PCCA: variants seen among roughly 807,000 people sequenced by gnomAD.
PCCA encodes propionyl-CoA carboxylase alpha chain, mitochondrial.
A neutral mutation model predicts 101.3 loss-of-function variants in PCCA; 74 were observed. That is an observed-to-expected ratio of 0.73 (90% CI 0.61 to 0.89). The LOEUF is 0.89. PCCA is among the 40% of genes least tolerant of loss of function. The pLI is 0.00. For synonymous variants in PCCA, 294 were observed against 313.6 expected (o/e 0.94, Z 0.66); for missense variants, 891 against 907.0 (o/e 0.98, Z 0.23).
intron 21 of PCCA, among the ~76,000 whole-genome samples, chr13:100,489,315 A>G (rs1396952873): frequency 6.6e-6 from 1 of 152,252 alleles, no homozygotes; most frequent in African/African-American, 2.4e-5. Context: ...CTCAAAAAAA[A>G]AAAAGTTTTA....
chr13:100,230,200 A>C (rs913345572), intron 7 of PCCA, among the ~76,000 whole-genome samples: 1 of 152,148 alleles, frequency 6.6e-6, no homozygotes, highest in Non-Finnish European at 1.5e-5. Context: ...GTATGTGTTC[A>C]TGTGGCAATG....
chr13:100,328,732 C>T (rs572625881), intron 16 of PCCA, among the ~76,000 whole-genome samples: 8 of 134,268 alleles, frequency 6.0e-5, no homozygotes, highest in African/African-American at 8.6e-5. Flanking sequence ...CTAGCTCCGT[C>T]GCTGAGGTGG....
chr13:100,091,667 C>T (rs2046292885), intron 1 of PCCA, among the ~76,000 whole-genome samples: 1 of 152,162 alleles, frequency 6.6e-6, no homozygotes, highest in South Asian at 2.1e-4. Context: ...GAAAAGCAGC[C>T]AGCTAACTCT....
intron 6 of PCCA, among the ~76,000 whole-genome samples, chr13:100,176,636 A>G (rs1043359593): frequency 8.5e-5 from 13 of 152,206 alleles, no homozygotes; most frequent in African/African-American, 3.1e-4. Flanking sequence ...CATTATTGAA[A>G]AACATTGACA....
chr13:100,359,940 T>C (rs2074381613), intron 18 of PCCA, among the ~76,000 whole-genome samples: 1 of 152,154 alleles, frequency 6.6e-6, no homozygotes. Context: ...GTGGAAGAAA[T>C]TGGCACATTG....
intron 19 of PCCA, among the ~76,000 whole-genome samples, chr13:100,387,406 C>T (rs754811757): frequency 1.3e-5 from 2 of 152,156 alleles, no homozygotes; most frequent in African/African-American, 4.8e-5. Flanking sequence ...GTAGTTCACT[C>T]CAAAAGTTTT....
rs1281449669 is a variant in PCCA at position 100,400,630 on chromosome 13, C to CTTTTTTT, written c.1747-24992_1747-24986dup. Among the ~76,000 whole-genome samples, 8 of 90,968 alleles carry CTTTTTTT rather than the reference C, an allele frequency of 8.8e-5. 1 individual carries two copies. The highest frequency in any genetic ancestry group is 3.8e-4 in the African/African-American group (7 of 18,642). The allele number at this position is 90,968 out of a possible 152,430, so 59.7% of individuals were successfully genotyped here. ...TGATTGATCTTAGTTCTTTTTAGTT[C>CTTTTTTT]TTTTTTTTTTTTTTTTTGAGAGTTT... On this transcript the variant is annotated intron_variant, in intron 19 of 23. Transcript: ENST00000376285.
chr13:100,302,080 T>C (rs1311412724), intron 13 of PCCA, among the ~76,000 whole-genome samples: 4 of 152,176 alleles, frequency 2.6e-5, no homozygotes, highest in African/African-American at 9.6e-5. Context: ...TACATAAAAA[T>C]AACAATCAAA....
intron 6 of PCCA, among the ~76,000 whole-genome samples, chr13:100,162,788 T>G (rs1594464386): frequency 6.6e-6 from 1 of 152,288 alleles, no homozygotes; most frequent in East Asian, 1.9e-4. Flanking sequence ...TATTCTTAAG[T>G]GGAACTAATA....
At chr13:100,379,796 T>G (rs1337651252) in intron 19 of PCCA, among the ~76,000 whole-genome samples, 1 of 152,126 alleles carries the variant, frequency 6.6e-6, no homozygotes, top group Non-Finnish European at 1.5e-5. Flanking sequence ...CCCACCCCCG[T>G]GATTCAATTT....
At chr13:100,119,106 T>C (rs2152296861) in intron 4 of PCCA, among the ~76,000 whole-genome samples, 1 of 152,324 alleles carries the variant, frequency 6.6e-6, no homozygotes, top group South Asian at 2.1e-4. Context: ...TTGGTTACAT[T>C]TGTCTTGTTT....
intron 12 of PCCA, among the ~76,000 whole-genome samples, chr13:100,280,178 CT>C (rs1362000281): frequency 1.1e-4 from 17 of 152,100 alleles, no homozygotes; most frequent in African/African-American, 4.1e-4. Context: ...TGTTCTCAAT[CT>C]GGTCACAGTT....
chr13:100,181,913 C>T (rs569482232), intron 6 of PCCA, among the ~76,000 whole-genome samples: 60 of 143,916 alleles, frequency 4.2e-4, no homozygotes, highest in Middle Eastern at 7.9e-3. Context: ...TACAGGCACG[C>T]GCCACCACAC....
At chr13:100,247,455 A>T (rs2061505267) in intron 8 of PCCA, among the ~76,000 whole-genome samples, 1 of 149,328 alleles carries the variant, frequency 6.7e-6, no homozygotes. Flanking sequence ...TGAGCTCATG[A>T]TCTGCCCGCC....
At chr13:100,466,542 A>G (rs1324551944) in intron 21 of PCCA, among the ~76,000 whole-genome samples, 1 of 152,228 alleles carries the variant, frequency 6.6e-6, no homozygotes, top group Non-Finnish European at 1.5e-5. Context: ...GGAACATAGC[A>G]ACACTGCAAA....
intron 6 of PCCA, among the ~76,000 whole-genome samples, chr13:100,173,418 G>A (rs1363550585): frequency 2.0e-5 from 3 of 152,170 alleles, no homozygotes; most frequent in Non-Finnish European, 4.4e-5. Flanking sequence ...GGGATGACGA[G>A]CTGCAGACAT....
chr13:100,424,397 T>A (rs2079010156), intron 19 of PCCA, among the ~76,000 whole-genome samples: 2 of 152,156 alleles, frequency 1.3e-5, no homozygotes, highest in African/African-American at 4.8e-5. Context: ...CCCCATACTG[T>A]GTGGTCTTCA....
intron 18 of PCCA, among the ~76,000 whole-genome samples, chr13:100,345,343 G>T (rs1233186924): frequency 6.6e-6 from 1 of 152,230 alleles, no homozygotes; most frequent in Non-Finnish European, 1.5e-5. Flanking sequence ...AAGTGAAACA[G>T]CCTTATTGCT....
intron 2 of PCCA, among the ~76,000 whole-genome samples, chr13:100,108,259 G>A (rs1054098311): frequency 1.3e-5 from 2 of 152,190 alleles, no homozygotes; most frequent in African/African-American, 2.4e-5. Flanking sequence ...GACATTATTA[G>A]TACAGTTATA....
Sources: allele counts gnomAD v4.1 joint callset (sites outside exome capture counted in the v4.1 genomes callset), GRCh38; gene constraint gnomAD v4.1.1; transcripts MANE v1.5; gene names NCBI Gene and HGNC (gene_info 2026-07-23, HGNC 2026-07-21).